The following RANBP2 variants were observed in gnomAD, a reference collection of about 807,000 sequenced individuals.
RANBP2 encodes E3 SUMO-protein ligase RanBP2.
RANBP2 carries 57 observed loss-of-function variants against 303.6 expected under a neutral mutation model. The observed-to-expected ratio is 0.19, with a 90% confidence interval of 0.15 to 0.23. The LOEUF is 0.23. Ranked by LOEUF, RANBP2 falls within the 10% of genes least tolerant of loss-of-function variation. The probability of loss-of-function intolerance (pLI) is 1.00; values close to 1 mark genes in which losing one functional copy is unlikely to be tolerated. For missense variants in RANBP2, 3,138 were observed against 3,780.8 expected (o/e 0.83, Z 4.46); for synonymous variants, 1,167 against 1,301.5 (o/e 0.90, Z 2.23).
the RANBP2 span, among the ~76,000 whole-genome samples, chr2:109,278,803 G>A: frequency 6.6e-6 from 1 of 152,194 alleles, no homozygotes; most frequent in East Asian, 1.9e-4. Context: ...TATCTTGTTT[G>A]TGGGTATTGC....
the RANBP2 span, among the ~76,000 whole-genome samples, chr2:109,064,291 A>C: frequency 6.6e-5 from 10 of 152,062 alleles, 1 homozygote; most frequent in South Asian, 1.9e-3. Flanking sequence ...CCCCGTCTCT[A>C]CTAAAAATAC....
chr2:108,957,732 C>G, the RANBP2 span, among the ~76,000 whole-genome samples: 3 of 152,248 alleles, frequency 2.0e-5, no homozygotes, highest in Admixed American at 2.0e-4. Context: ...AGGTGAGAAG[C>G]CTCACAATCC....
the RANBP2 span, among the ~76,000 whole-genome samples, chr2:108,917,920 C>T: frequency 1.1e-4 from 17 of 151,942 alleles, no homozygotes; most frequent in South Asian, 2.9e-3. Context: ...GTTTTCCAGG[C>T]GAGTCAGAAA....
the RANBP2 span, chr2:109,614,966 C>G: frequency 1.3e-6 from 2 of 1,528,870 alleles, no homozygotes; most frequent in Non-Finnish European, 1.8e-6. Flanking sequence ...ACTCGCGGCG[C>G]GACGTGCAGC....
At chr2:108,790,076 TTAAA>T (rs556422292), downstream of RANBP2, among the ~76,000 whole-genome samples, 160 of 152,302 alleles carry the variant, frequency 1.1e-3, no homozygotes, top group African/African-American at 3.5e-3. Flanking sequence ...CTTTCTCTAC[TTAAA>T]TAAGTTAATC....
chr2:109,306,590 C>T, the RANBP2 span, among the ~76,000 whole-genome samples: 1 of 152,186 alleles, frequency 6.6e-6, no homozygotes, highest in African/African-American at 2.4e-5. Flanking sequence ...AGGCAGGAAG[C>T]TACATGCCAT....
the RANBP2 span, among the ~76,000 whole-genome samples, chr2:109,376,235 GT>G: frequency 2.0e-5 from 3 of 152,392 alleles, no homozygotes; most frequent in South Asian, 6.2e-4. Context: ...AGGCAGGGCA[GT>G]TTCCTGCCTG....
At chr2:109,344,993 T>C in the RANBP2 span, among the ~76,000 whole-genome samples, 2 of 151,154 alleles carry the variant, frequency 1.3e-5, no homozygotes, top group African/African-American at 4.9e-5. Flanking sequence ...TGAAGGGGGG[T>C]GTCAGGGAGG....
At chr2:109,016,894 A>G in the RANBP2 span, among the ~76,000 whole-genome samples, 4 of 152,222 alleles carry the variant, frequency 2.6e-5, no homozygotes, top group African/African-American at 4.8e-5. Flanking sequence ...GGGACGCAGG[A>G]GGGGAAAGAA....
the RANBP2 span, among the ~76,000 whole-genome samples, chr2:109,329,782 G>GC: frequency 6.6e-6 from 1 of 152,184 alleles, no homozygotes; most frequent in Non-Finnish European, 1.5e-5. Flanking sequence ...TCTTACATAG[G>GC]CCCAGCCTCA....
At chr2:109,778,475 G>T in the RANBP2 span, among the ~76,000 whole-genome samples, 2 of 149,938 alleles carry the variant, frequency 1.3e-5, no homozygotes, top group Non-Finnish European at 3.0e-5. Context: ...TGTTAAGAAG[G>T]TTTAGTAGCC....
the RANBP2 span, among the ~76,000 whole-genome samples, chr2:109,488,949 C>A: frequency 2.0e-4 from 30 of 152,302 alleles, no homozygotes; most frequent in South Asian, 4.1e-4. Flanking sequence ...CAGAGCTGGG[C>A]CGCCTCTTCC....
At chr2:109,133,750 A>C in the RANBP2 span, among the ~76,000 whole-genome samples, 1 of 147,650 alleles carries the variant, frequency 6.8e-6, no homozygotes, top group African/African-American at 2.5e-5. Flanking sequence ...TTGCACTCAA[A>C]CTTCTTTCCC....
At chr2:109,264,188 G>A in the RANBP2 span, among the ~76,000 whole-genome samples, 1 of 150,058 alleles carries the variant, frequency 6.7e-6, no homozygotes, top group Non-Finnish European at 1.5e-5. Context: ...CCAAGTCTGT[G>A]TGTGCTCCCC....
the RANBP2 span, among the ~76,000 whole-genome samples, chr2:109,124,802 G>T: frequency 1.3e-5 from 2 of 152,150 alleles, no homozygotes; most frequent in Non-Finnish European, 2.9e-5. Flanking sequence ...AGTACGTTTA[G>T]GGTTGCCTGA....
At chr2:109,079,982 C>T in the RANBP2 span, among the ~76,000 whole-genome samples, 118 of 152,212 alleles carry the variant, frequency 7.8e-4, 2 homozygotes, top group South Asian at 0.014. Flanking sequence ...ATTTCTGGGA[C>T]GACAGAAAGA....
the RANBP2 span, among the ~76,000 whole-genome samples, chr2:109,063,192 G>GGT: frequency 6.6e-6 from 1 of 152,210 alleles, no homozygotes; most frequent in Admixed American, 6.5e-5. Flanking sequence ...CTCTGAGTGA[G>GGT]ACCTGGAGGT....
At chr2:109,624,404 G>A in the RANBP2 span, among the ~76,000 whole-genome samples, 1 of 152,186 alleles carries the variant, frequency 6.6e-6, no homozygotes, top group Admixed American at 6.5e-5. Context: ...CATGACACAT[G>A]CTTTCAGCTG....
the RANBP2 span, among the ~76,000 whole-genome samples, chr2:109,221,336 A>C: frequency 6.6e-6 from 1 of 152,110 alleles, no homozygotes; most frequent in Non-Finnish European, 1.5e-5. Flanking sequence ...TAATCCCAGC[A>C]TTTTGGGAGG....
Sources: gnomAD v4.1 joint callset for allele counts (sites outside exome capture counted in the v4.1 genomes callset) on GRCh38, gnomAD v4.1.1 for gene constraint, MANE v1.5 for transcripts, NCBI Gene and HGNC (gene_info 2026-07-23, HGNC 2026-07-21) for gene names.